Variants in GALNT10 observed in about 807,000 individuals in gnomAD.
The protein encoded by GALNT10 is polypeptide N-acetylgalactosaminyltransferase 10.
Under a neutral mutation model 75.0 loss-of-function variants are expected in GALNT10, and 41 were observed. That is an observed-to-expected ratio of 0.55 (90% confidence interval 0.43 to 0.71). The LOEUF (loss-of-function observed/expected upper bound fraction) is 0.71. Among genes scored for constraint, GALNT10 ranks in the 30% least tolerant of loss-of-function variants. GALNT10 has a pLI of 0.00. For synonymous variants in GALNT10, 302 were observed against 313.0 expected (o/e 0.96, Z 0.37); for missense variants, 727 against 818.5 (o/e 0.89, Z 1.36).
At chr5:154,305,191 G>T (rs1199883709) in intron 3 of GALNT10, among the ~76,000 whole-genome samples, 1 of 152,020 alleles carries the variant, frequency 6.6e-6, no homozygotes, top group Non-Finnish European at 1.5e-5. Context: ...AGCTACTTGG[G>T]AGGCTAAGGT....
At chr5:154,216,872 G>A (rs1371832826) in intron 1 of GALNT10, among the ~76,000 whole-genome samples, 1 of 151,986 alleles carries the variant, frequency 6.6e-6, no homozygotes, top group African/African-American at 2.4e-5. Context: ...TTTTACTTGT[G>A]AGTAGACCCT....
At chr5:154,315,791 AG>A (rs1353708859) in intron 3 of GALNT10, among the ~76,000 whole-genome samples, 1 of 152,214 alleles carries the variant, frequency 6.6e-6, no homozygotes, top group East Asian at 1.9e-4. Flanking sequence ...TGGGCAAGGT[AG>A]GCCCCATGAC....
intron 4 of GALNT10, among the ~76,000 whole-genome samples, chr5:154,357,728 T>G (rs7730696): frequency 0.71 from 107,800 of 152,044 alleles, 38,421 homozygotes; most frequent in East Asian, 0.79. Context: ...ATGGCCCATT[T>G]CCCACATATG....
At chr5:154,226,037 G>A (rs1753059153) in intron 1 of GALNT10, among the ~76,000 whole-genome samples, 1 of 151,848 alleles carries the variant, frequency 6.6e-6, no homozygotes, top group Admixed American at 6.6e-5. Context: ...AATGTTAAAT[G>A]ACGAGTTAAT....
intron 4 of GALNT10, among the ~76,000 whole-genome samples, chr5:154,350,180 G>A (rs1463535026): frequency 6.7e-6 from 1 of 149,164 alleles, no homozygotes; most frequent in African/African-American, 2.5e-5. Flanking sequence ...TAATAAAGTT[G>A]CTTTCCTTTA....
intron 1 of GALNT10, among the ~76,000 whole-genome samples, chr5:154,195,763 C>T (rs1489629193): frequency 2.0e-5 from 3 of 152,156 alleles, no homozygotes; most frequent in Non-Finnish European, 4.4e-5. Flanking sequence ...AATATTTGAT[C>T]CTTCTCTACC....
chr5:154,278,337 T>A (rs1248537307), intron 1 of GALNT10, among the ~76,000 whole-genome samples: 2 of 152,198 alleles, frequency 1.3e-5, no homozygotes, highest in Non-Finnish European at 2.9e-5. Flanking sequence ...TGGGGGTAGA[T>A]GAGTGGTTGT....
chr5:154,297,082 T>C (rs114704630), intron 2 of GALNT10, among the ~76,000 whole-genome samples: 1,730 of 152,294 alleles, frequency 0.011, 32 homozygotes, highest in African/African-American at 0.039. Flanking sequence ...TTCAAGATCC[T>C]CACCAATGAC....
At chr5:154,306,104 T>C (rs1754428956) in intron 3 of GALNT10, among the ~76,000 whole-genome samples, 1 of 152,184 alleles carries the variant, frequency 6.6e-6, no homozygotes, top group Non-Finnish European at 1.5e-5. Context: ...TCTCTCTCAA[T>C]AATTGGTAAT....
At position 154,380,280 on chromosome 5, in the gene GALNT10, G is replaced by A. The variant is rs556767212; in HGVS notation, c.755-168G>A. Among the ~76,000 whole-genome samples, 235 of 152,232 alleles carry A rather than the reference G, an allele frequency of 1.5e-3. 1 individual carries two copies. The highest frequency in any genetic ancestry group is 9.1e-3 in the South Asian group (44 of 4,814). On this transcript the variant is annotated intron_variant, in intron 5 of 11. Coordinates refer to ENST00000297107, the MANE Select transcript of GALNT10 (RefSeq NM_198321.4). ...ATGGAGAGTAAAAGGACTGAGATGA[G>A]AGCCTCGGTCCCTCTTGCTTAAAGC...
At chr5:154,363,483 C>T (rs27155) in intron 4 of GALNT10, among the ~76,000 whole-genome samples, 36,023 of 117,878 alleles carry the variant, frequency 0.31, 5,144 homozygotes, top group Admixed American at 0.33. Context: ...TTTGTGCCAG[C>T]GTTTATCTGA....
intron 1 of GALNT10, among the ~76,000 whole-genome samples, chr5:154,252,018 CA>C (rs1753530501): frequency 6.6e-6 from 1 of 152,000 alleles, no homozygotes; most frequent in African/African-American, 2.4e-5. Flanking sequence ...TTCTTTATAG[CA>C]AGAGCCCTGG....
chr5:154,294,005 A>G (rs1754237564), intron 1 of GALNT10, among the ~76,000 whole-genome samples: 2 of 152,314 alleles, frequency 1.3e-5, no homozygotes, highest in East Asian at 1.9e-4. Flanking sequence ...CAGGATGAAC[A>G]CAAGTGTAAA....
At chr5:154,209,844 T>A (rs1430521477) in intron 1 of GALNT10, among the ~76,000 whole-genome samples, 1 of 152,202 alleles carries the variant, frequency 6.6e-6, no homozygotes, top group Non-Finnish European at 1.5e-5. Flanking sequence ...GTAAAGTGCA[T>A]GTGTTATTAT....
At chr5:154,209,101 G>A (rs2081013) in intron 1 of GALNT10, among the ~76,000 whole-genome samples, 148,746 of 152,312 alleles carry the variant, frequency 0.98, 72,651 homozygotes, top group Middle Eastern at 1. Context: ...GGGAGAAGCT[G>A]TTGGTCGCTG....
chr5:154,315,899 C>A (rs1025541617), intron 3 of GALNT10, among the ~76,000 whole-genome samples: 25 of 152,328 alleles, frequency 1.6e-4, no homozygotes, highest in African/African-American at 5.8e-4. Context: ...TTATTCACTT[C>A]TCAGCTCAAA....
At chr5:154,411,347 C>T (rs1001302459) in intron 9 of GALNT10, among the ~76,000 whole-genome samples, 9 of 152,178 alleles carry the variant, frequency 5.9e-5, no homozygotes, top group Non-Finnish European at 2.9e-5. Flanking sequence ...ACCCCTACTG[C>T]TTGGCCAACC....
intron 1 of GALNT10, among the ~76,000 whole-genome samples, chr5:154,234,111 G>A (rs1343914922): frequency 6.6e-6 from 1 of 152,228 alleles, no homozygotes; most frequent in African/African-American, 2.4e-5. Context: ...CTCTGGTGGT[G>A]GAGTGGCCAC....
intron 7 of GALNT10, chr5:154,388,563 A>G (rs1412100446): frequency 1.3e-5 from 2 of 152,124 alleles, no homozygotes; most frequent in Non-Finnish European, 2.9e-5. Flanking sequence ...CTGGGGCCCA[A>G]ACGCAGGTCT....
Sources: allele counts gnomAD v4.1 joint callset (sites outside exome capture counted in the v4.1 genomes callset), GRCh38; gene constraint gnomAD v4.1.1; transcripts MANE v1.5; gene names NCBI Gene and HGNC (gene_info 2026-07-23, HGNC 2026-07-21).